IFNAR2: variants seen among roughly 807,000 people sequenced by gnomAD.
The protein encoded by IFNAR2 is interferon alpha and beta receptor subunit 2, also known as interferon alpha/beta receptor 2.
IFNAR2 carries 30 observed loss-of-function variants against 49.4 expected under a neutral mutation model. The observed-to-expected ratio is 0.61, with a 90% CI of 0.45 to 0.82. IFNAR2 has a LOEUF of 0.82. Ranked by LOEUF, IFNAR2 falls within the 40% of genes least tolerant of loss-of-function variation. IFNAR2 has a pLI of 0.00. For synonymous variants in IFNAR2, 224 were observed against 234.5 expected (o/e 0.96, Z 0.41); for missense variants, 600 against 622.7 (o/e 0.96, Z 0.39).
At chr21:33,256,117 T>C (rs1355966766) in intron 7 of IFNAR2, among the ~76,000 whole-genome samples, 1 of 152,184 alleles carries the variant, frequency 6.6e-6, no homozygotes, top group Non-Finnish European at 1.5e-5. Flanking sequence ...CCAAGGTGAA[T>C]GTGTTGCTGA....
At chr21:33,239,109 G>C (rs1023284134) in intron 1 of IFNAR2, among the ~76,000 whole-genome samples, 1 of 152,176 alleles carries the variant, frequency 6.6e-6, no homozygotes, top group African/African-American at 2.4e-5. Flanking sequence ...CCAAATTACA[G>C]ATGCATAGTT....
Position 33,262,813 on chromosome 21 carries a change from C to G in IFNAR2, c.861C>G (p.Ala287=). 6.3e-7 allele frequency: 1 copy of G among 1,594,062 alleles called. No homozygotes were observed. The highest frequency in any genetic ancestry group is 8.5e-7 in the Non-Finnish European group (1 of 1,172,282). Residue 287 remains alanine (A), a synonymous_variant, in exon 9 of 9, where the codon GCC becomes GCG. Transcript: ENST00000342136. ...PKVLNFHNFL[A]WPFPNLPPLE... is the part of the protein sequence containing the mutation. ...TTAAGAATTTTCATAACTTTTTAGC[C>G]TGGCCATTTCCTAACCTGCCACCGT...
At position 33,262,945 on chromosome 21, in the gene IFNAR2, G is replaced by A. The variant is rs760835754; in HGVS notation, c.993G>A (p.Arg331=). 3.7e-6 allele frequency: 6 copies of A among 1,614,172 alleles called. No homozygotes were observed. The highest frequency in any genetic ancestry group is 5.1e-6 in the Non-Finnish European group (6 of 1,180,026). The change falls in exon 9 of 9, where the codon AGG becomes AGA. Residue 331 remains arginine (R), a synonymous_variant. Transcript: ENST00000342136. ...ESDSDTEAAP[R]TSGGGYTMHG... is the part of the protein sequence containing the mutation. ...ATAGCGATACTGAGGCAGCGCCCAG[G>A]ACAAGTGGCGGTGGCTATACCATGC...
At chr21:33,248,561 A>T in intron 5 of IFNAR2, 148 bp from the exon 6 acceptor site, 1 of 550,832 alleles carries the variant, frequency 1.8e-6, no homozygotes, top group East Asian at 3.3e-5. Flanking sequence ...ACAGTCACTT[A>T]GTGGAATAGC....
intron 1 of IFNAR2, chr21:33,231,725 TGTTTTGTTTG>T: frequency 1.0e-6 from 1 of 982,088 alleles, no homozygotes; most frequent in South Asian, 4.7e-5. Flanking sequence ...CATCATGTTT[TGTTTTGTTTG>T]GTTTGGTTTG....
Position 33,243,886 on chromosome 21 carries a change from T to C in IFNAR2, c.97+172T>C, listed in dbSNP as rs1211139000. Among the ~76,000 whole-genome samples the C allele has an allele frequency of 2.6e-5, 4 of 152,210 alleles. No homozygotes were observed. The East Asian group carries it at 7.7e-4, about 29-fold the overall frequency. The stretch of plus-strand genomic sequence containing the variant: ...CTAAAATGAGCTAACTCTGGTTTTT[T>C]GAGAGATACAAAACTAGTCTAAGAA... On this transcript the variant is annotated intron_variant, in intron 3 of 8. Transcript: ENST00000342136.
Position 33,257,308 on chromosome 21 carries a change from C to T in IFNAR2, c.710-3289C>T, listed in dbSNP as rs376753641. On this transcript the variant is annotated intron_variant, in intron 7 of 8. Transcript: ENST00000342136. ...CGCAGACCTTCCTGGTGAGCGTTAA[C>T]AGCTCTTAAAGATGGCACAGACCCA... 2.8e-4 allele frequency among the ~76,000 whole-genome samples: 42 copies of T among 152,322 alleles called. No homozygotes were observed. In the East Asian group the frequency reaches 6.2e-3, roughly 22 times the overall value.
intron 6 of IFNAR2, chr21:33,251,811 A>C: frequency 1.0e-6 from 1 of 980,226 alleles, no homozygotes; most frequent in South Asian, 4.7e-5. Flanking sequence ...GGCTGGGCAC[A>C]GTGGCTTACG....
intron 1 of IFNAR2, among the ~76,000 whole-genome samples, chr21:33,234,189 G>A (rs996633431): frequency 1.3e-5 from 2 of 149,880 alleles, no homozygotes; most frequent in African/African-American, 4.9e-5. Context: ...AACACTGTGT[G>A]TGTGTGTGTG....
At chr21:33,245,139 A>G in intron 4 of IFNAR2, 65 bp downstream of exon 4, 2 of 1,187,372 alleles carry the variant, frequency 1.7e-6, no homozygotes, top group Non-Finnish European at 2.5e-6. Flanking sequence ...GGGAGAGGTG[A>G]TCTTTTCTCT....
rs192101536 is a variant in IFNAR2, at chr21:33,258,950, A to G, written c.710-1647A>G. Among the ~76,000 whole-genome samples the G allele has an allele frequency of 9.9e-5, 15 of 152,252 alleles. No individual in the cohort carries two copies. The East Asian group carries it at 2.5e-3, about 26-fold the overall frequency. On this transcript the variant is annotated intron_variant, in intron 7 of 8. Transcript: ENST00000342136. ...CCTGGGCTGATTACTGCAGTCACCCAGGGGAGAGGCGGTCTTACTTGTTCC... is the reference window on the plus strand; with the variant it reads ...CCTGGGCTGATTACTGCAGTCACCCGGGGGAGAGGCGGTCTTACTTGTTCC...
At chr21:33,242,760 TG>T (rs1987059842) in intron 2 of IFNAR2, among the ~76,000 whole-genome samples, 11 of 326 alleles carry the variant, frequency 0.034, 2 homozygotes, top group African/African-American at 0.079. Context: ...CTCGTGTGCG[TG>T]TGTGTGTGTG....
chr21:33,262,818 C>T lies in IFNAR2; in HGVS notation c.866C>T (p.Pro289Leu), dbSNP rs1988726231. 1.2e-6 allele frequency: 2 copies of T among 1,600,072 alleles called. No homozygotes were observed. Among genetic ancestry groups the T allele is most frequent in the East Asian group, 2.2e-5 (1 of 44,794 alleles). The change falls in exon 9 of 9, where the codon CCA (proline) becomes CTA (leucine). Residue 289 changes from proline to leucine, a missense_variant. Physicochemically the swap from Pro to Leu is moderately conservative, Grantham distance 98. Coordinates refer to ENST00000342136, the MANE Select transcript of IFNAR2 (RefSeq NM_001289125.3). Reference protein sequence around the residue: ...VLNFHNFLAWPFPNLPPLEAM... With the variant: ...VLNFHNFLAWLFPNLPPLEAM... Reference sequence around the variant, plus strand: ...AATTTTCATAACTTTTTAGCCTGGCCATTTCCTAACCTGCCACCGTTGGAA... The same window carrying T: ...AATTTTCATAACTTTTTAGCCTGGCTATTTCCTAACCTGCCACCGTTGGAA...
chr21:33,252,749 G>C lies in IFNAR2; in HGVS notation c.628G>C (p.Val210Leu). ...LIPNTNYCVS[V>L]YLEHSDEQAV... ...TCCAAACACGAACTACTGTGTATCT[G>C]TTTATTTAGAGCACAGTGATGAGCA... The change falls in exon 7 of 9, where the codon GTT becomes CTT. Residue 210 changes from valine to leucine, a missense_variant. Transcript: ENST00000342136. 6.2e-7 allele frequency: 1 copy of C among 1,613,140 alleles called. No homozygotes were observed. The highest frequency in any genetic ancestry group is 2.2e-5 in the East Asian group (1 of 44,862).
chr21:33,232,782 CT>C (rs1986158530), intron 1 of IFNAR2, among the ~76,000 whole-genome samples: 1 of 152,248 alleles, frequency 6.6e-6, no homozygotes, highest in Admixed American at 6.5e-5. Flanking sequence ...GGGCACCAAC[CT>C]TCTGGGCTAG....
rs1166203556 is a variant in IFNAR2 at position 33,265,650 on chromosome 21, C to T, written c.*2150C>T. 2 of 221,258 alleles carry T rather than the reference C, an allele frequency of 9.0e-6. No homozygotes were observed. The highest frequency in any genetic ancestry group is 1.9e-5 in the Non-Finnish European group (2 of 106,724). The allele number at this position is 221,258 out of a possible 1,614,324, so 13.7% of individuals were successfully genotyped here. A position where few individuals can be genotyped will look rare whatever the true frequency, so the allele number is the denominator to read the frequency against. ...GTTGGTAAAAAGTAACACAACAGTA[C>T]TTTTTTAATACAAACTTGGTGTGGT... On this transcript the variant is annotated 3_prime_UTR_variant, in exon 9 of 9. Transcript: ENST00000342136.
intron 1 of IFNAR2, among the ~76,000 whole-genome samples, chr21:33,237,826 A>C (rs190494593): frequency 1.3e-5 from 2 of 152,282 alleles, no homozygotes; most frequent in African/African-American, 4.8e-5. Context: ...GTGGCAGCAG[A>C]GAAGACTTAA....
chr21:33,250,330 A>G (rs1431993527), intron 6 of IFNAR2, among the ~76,000 whole-genome samples: 1 of 152,142 alleles, frequency 6.6e-6, no homozygotes, highest in Non-Finnish European at 1.5e-5. Flanking sequence ...AAAATAAGAG[A>G]CTGTTGCTTA....
At chr21:33,231,403 T>C (rs372296220) in intron 1 of IFNAR2, among the ~76,000 whole-genome samples, 7 of 152,236 alleles carry the variant, frequency 4.6e-5, no homozygotes, top group African/African-American at 1.2e-4. Flanking sequence ...ATCAAAAATG[T>C]ACATGACTCA....
Sources: gnomAD v4.1 joint callset for allele counts (sites outside exome capture counted in the v4.1 genomes callset) on GRCh38, gnomAD v4.1.1 for gene constraint, MANE v1.5 for transcripts, NCBI Gene and HGNC (gene_info 2026-07-23, HGNC 2026-07-21) for gene names.